GIT1: variants seen among roughly 807,000 people sequenced by gnomAD.
The protein encoded by GIT1 is ARF GTPase-activating protein GIT1.
Under a neutral mutation model 91.7 loss-of-function variants are expected in GIT1, and 14 were observed. That is an observed-to-expected ratio of 0.15 (90% CI 0.10 to 0.24). The LOEUF (loss-of-function observed/expected upper bound fraction) is 0.24, where lower values mean the gene tolerates loss of function less well. Among genes scored for constraint, GIT1 ranks in the 10% least tolerant of loss-of-function variants. The probability of loss-of-function intolerance (pLI) is 1.00; values close to 1 mark genes in which losing one functional copy is unlikely to be tolerated. For synonymous variants in GIT1, 414 were observed against 418.2 expected (o/e 0.99, Z 0.12); for missense variants, 717 against 1,024.9 (o/e 0.70, Z 4.10).
intron 1 of GIT1, among the ~76,000 whole-genome samples, chr17:29,584,046 C>T (rs899622906): frequency 6.6e-6 from 1 of 152,260 alleles, no homozygotes; most frequent in Non-Finnish European, 1.5e-5. Flanking sequence ...ACAGATCACA[C>T]CCGTCCACAG....
At position 29,575,092 on chromosome 17, in the gene GIT1, G is replaced by A; in HGVS notation, c.2060C>T (p.Ser687Phe). ...KIHLAVTEMA[S>F]LFPKRPALEP... ...TGGCCCCTGTACCTTTGGGAAGAGGGAGGCCATCTCGGTCACAGCCAAATG... is the reference window on the plus strand; with the variant it reads ...TGGCCCCTGTACCTTTGGGAAGAGGAAGGCCATCTCGGTCACAGCCAAATG... The change falls in exon 19 of 20, where the codon TCC becomes TTC. Residue 687 changes from serine (S) to phenylalanine (F), a missense_variant. By Grantham distance (155) the Ser-to-Phe change is radical. Around this residue, in one of 3 missense-constraint regions of GIT1, gnomAD observed 134 missense variants for 223.8 expected, o/e 0.60. Transcript: ENST00000225394. This position sits in a 1 kb window ranked among gnomAD's most constrained non-coding sequence, Gnocchi z 5.5. 5.0e-6 allele frequency: 8 copies of A among 1,598,492 alleles called. No individual in the cohort carries two copies. The highest frequency in any genetic ancestry group is 6.0e-6 in the Non-Finnish European group (7 of 1,168,520).
intron 13 of GIT1, 29 bp downstream of exon 13, chr17:29,576,493 T>TC: frequency 1.2e-6 from 2 of 1,613,182 alleles, no homozygotes; most frequent in South Asian, 1.1e-5. Flanking sequence ...GTCCTGGGGC[T>TC]CCCCCTCCCA....
chr17:29,582,402 C>A (rs1168314788), intron 4 of GIT1, among the ~76,000 whole-genome samples: 1 of 152,220 alleles, frequency 6.6e-6, no homozygotes, highest in Non-Finnish European at 1.5e-5. Context: ...TATTTCTTTC[C>A]CATTTTACAG....
At chr17:29,582,188 C>T (rs781212281) in intron 4 of GIT1, 44 bp from the exon 5 acceptor site, 17 of 1,403,734 alleles carry the variant, frequency 1.2e-5, no homozygotes, top group Admixed American at 9.9e-5. Context: ...GTGCGTGAGG[C>T]GCACCTCCCC....
chr17:29,585,283 A>AG (rs2033556912), intron 1 of GIT1, among the ~76,000 whole-genome samples: 1 of 152,096 alleles, frequency 6.6e-6, no homozygotes, highest in Admixed American at 6.6e-5. Flanking sequence ...CCAGCAGCCC[A>AG]GGCAGGAAGC....
chr17:29,587,880 G>C (rs1227555276), intron 1 of GIT1, among the ~76,000 whole-genome samples: 3 of 152,134 alleles, frequency 2.0e-5, no homozygotes, highest in Non-Finnish European at 2.9e-5. Flanking sequence ...ACAGTGGGGA[G>C]ACATTTATAA....
intron 1 of GIT1, among the ~76,000 whole-genome samples, chr17:29,584,385 C>A (rs1330880290): frequency 2.6e-5 from 4 of 152,244 alleles, no homozygotes; most frequent in Admixed American, 2.6e-4. Context: ...TCCACACTTG[C>A]TGCTGTCCCT....
intron 4 of GIT1, 39 bp from the exon 5 acceptor site, chr17:29,582,183 T>A: frequency 1.4e-6 from 2 of 1,434,200 alleles, no homozygotes; most frequent in South Asian, 2.5e-5. Context: ...CGCATGTGCG[T>A]GAGGCGCACC....
In GIT1 at chr17:29,581,226, G is replaced by C. The variant is rs914053083; in HGVS notation, c.761+112C>G. ...GACTAAGCTGTGCCTCTAGTCTCTG[G>C]GGGGAGGGAGCAGGGTCCTAGGCCT... On this transcript the variant is annotated intron_variant, in intron 7 of 19. Coordinates refer to ENST00000225394, the MANE Select transcript of GIT1 (RefSeq NM_014030.4). This position sits in a 1 kb window ranked among gnomAD's most constrained non-coding sequence, Gnocchi z 4.8. The C allele has an allele frequency of 8.9e-6, 7 of 787,854 alleles. No homozygotes were observed. The highest frequency in any genetic ancestry group is 3.8e-5 in the Admixed American group (2 of 52,808). The allele number at this position is 787,854 out of a possible 1,614,324, so 48.8% of individuals were successfully genotyped here.
intron 2 of GIT1, 88 bp from the exon 3 acceptor site, chr17:29,583,125 G>A (rs1267690821): frequency 1.3e-5 from 12 of 901,368 alleles, no homozygotes; most frequent in African/African-American, 1.6e-5. Context: ...TGTGGCTGGC[G>A]TAGCTGGAAA....
At position 29,573,763 on chromosome 17, in the gene GIT1, G is replaced by A. The variant is rs1455359449; in HGVS notation, c.*939C>T. 1 of 152,658 alleles carries A rather than the reference G, an allele frequency of 6.6e-6. No individual in the cohort carries two copies. The highest frequency in any genetic ancestry group is 1.5e-5 in the Non-Finnish European group (1 of 68,182). The allele number at this position is 152,658 out of a possible 1,614,324, so 9.5% of individuals were successfully genotyped here. A position where few individuals can be genotyped will look rare whatever the true frequency, so the allele number is the denominator to read the frequency against. ...CCAGCTGAGTCGGGGACCCCGGGGAGCCAGCCCCAGGCTCAGGTGCTCAGT... is the reference window on the plus strand; with the variant it reads ...CCAGCTGAGTCGGGGACCCCGGGGAACCAGCCCCAGGCTCAGGTGCTCAGT... On this transcript the variant is annotated 3_prime_UTR_variant, in exon 20 of 20. Coordinates refer to ENST00000225394, the MANE Select transcript of GIT1 (RefSeq NM_014030.4).
rs770904224 is a variant in GIT1 at position 29,576,684 on chromosome 17, G to C, written c.1228-10C>G. On this transcript the variant is annotated splice_polypyrimidine_tract_variant and intron_variant, in intron 12 of 19. Coordinates refer to ENST00000225394, the MANE Select transcript of GIT1 (RefSeq NM_014030.4). Reference sequence around the variant, plus strand: ...CCGAGGAGTCCATGCTCTGCAGAGAGAGACCTAAGCTGGTCAGCACCTGGG... The same window carrying C: ...CCGAGGAGTCCATGCTCTGCAGAGACAGACCTAAGCTGGTCAGCACCTGGG... 1 of 1,613,754 alleles carries C rather than the reference G, an allele frequency of 6.2e-7. No homozygotes were observed. The highest frequency in any genetic ancestry group is 2.2e-5 in the East Asian group (1 of 44,880).
intron 1 of GIT1, among the ~76,000 whole-genome samples, chr17:29,588,057 C>T (rs1431722239): frequency 2.0e-5 from 3 of 152,132 alleles, no homozygotes; most frequent in African/African-American, 4.8e-5. Context: ...TGTGCCCAAG[C>T]CCTGCTAAGT....
At position 29,582,986 on chromosome 17, in the gene GIT1, G is replaced by A. The variant is rs1276602746; in HGVS notation, c.238C>T (p.Leu80=). Residue 80 remains leucine (L), a synonymous_variant, in exon 3 of 20, where the codon CTG becomes TTG. Coordinates refer to ENST00000225394, the MANE Select transcript of GIT1 (RefSeq NM_014030.4). ...CTCTGCACTTGTGCGGGGTCCAGCA[G>A]GGAGTGCTCCCAGATGGAGTTGGCC... is the stretch of plus-strand genomic sequence containing the variant. ...NGANSIWEHS[L]LDPAQVQSGR... is the part of the protein sequence containing the mutation. 3 of 1,612,266 alleles carry A rather than the reference G, an allele frequency of 1.9e-6. No homozygotes were observed. Among genetic ancestry groups the A allele is most frequent in the Non-Finnish European group, 2.5e-6 (3 of 1,179,896 alleles).
In GIT1 at chr17:29,576,151, G is replaced by A. The variant is rs755855079; in HGVS notation, c.1612-20C>T. The A allele has an allele frequency of 6.2e-6, 10 of 1,613,122 alleles. No individual in the cohort carries two copies. Among genetic ancestry groups the A allele is most frequent in the Middle Eastern group, 1.6e-4 (1 of 6,082 alleles). ...TAGCTCCTGGGGATGTTAGCACAGC[G>A]AGCGTCATGGTGGACCCTGCGGCAG... On this transcript the variant is annotated intron_variant, in intron 14 of 19. Transcript: ENST00000225394.
chr17:29,586,883 C>T (rs1432196134), intron 1 of GIT1, among the ~76,000 whole-genome samples: 1 of 152,188 alleles, frequency 6.6e-6, no homozygotes, highest in Non-Finnish European at 1.5e-5. Context: ...CGGTGCCTGA[C>T]GAGGTGGCAC....
chr17:29,573,560 C>G lies in GIT1; in HGVS notation c.*1142G>C, dbSNP rs1226509176. ...CCACCACACAGGTAGGGCCTGGCCC[C>G]CAGGGAAGAAGCGGGATGGGGAGAG... On this transcript the variant is annotated 3_prime_UTR_variant, in exon 20 of 20. Coordinates refer to ENST00000225394, the MANE Select transcript of GIT1 (RefSeq NM_014030.4). 1 of 152,602 alleles carries G rather than the reference C, an allele frequency of 6.6e-6. No individual in the cohort carries two copies. Among genetic ancestry groups the G allele is most frequent in the Non-Finnish European group, 1.5e-5 (1 of 68,120 alleles). 9.5% of individuals were successfully genotyped at this position (152,602 alleles called of 1,614,324 possible).
In GIT1 at chr17:29,581,312, G is replaced by C. The variant is rs769750983; in HGVS notation, c.761+26C>G. On this transcript the variant is annotated intron_variant, in intron 7 of 19. Coordinates refer to ENST00000225394, the MANE Select transcript of GIT1 (RefSeq NM_014030.4). The surrounding 1 kb of genome is among the most constrained non-coding windows in gnomAD (Gnocchi z 4.8). ...CCCACATGGCATCCAACAGCCTCTG[G>C]AAAGGGGCATCAGGTGGGCACTCAC... is the stretch of plus-strand genomic sequence containing the variant. 2 of 1,588,408 alleles carry C rather than the reference G, an allele frequency of 1.3e-6. No homozygotes were observed. Among genetic ancestry groups the C allele is most frequent in the Non-Finnish European group, 1.7e-6 (2 of 1,156,888 alleles).
chr17:29,576,588 T>G lies in GIT1; in HGVS notation c.1314A>C (p.Ala438=), dbSNP rs1045845541. 15 of 1,614,096 alleles carry G rather than the reference T, an allele frequency of 9.3e-6. No homozygotes were observed. The highest frequency in any genetic ancestry group is 1.3e-5 in the Non-Finnish European group (15 of 1,180,024). Residue 438 remains alanine, a synonymous_variant, in exon 13 of 20, where the codon GCA becomes GCC. Transcript: ENST00000225394. ...ELKKALATSE[A]KVQQLMKVNS... ...TGACCTTCATGAGCTGCTGCACCTT[T>G]GCCTCCGATGTAGCCAGGGCCTTCT...
Sources: gnomAD v4.1 joint callset for allele counts (sites outside exome capture counted in the v4.1 genomes callset) on GRCh38, gnomAD v4.1.1 for gene constraint, gnomAD v4.1.1 regional missense constraint, Gnocchi (gnomAD v3.1) non-coding constraint, MANE v1.5 for transcripts, NCBI Gene and HGNC (gene_info 2026-07-23, HGNC 2026-07-21) for gene names.